FOXN3: variants seen among roughly 807,000 people sequenced by gnomAD.
FOXN3 encodes the protein forkhead box N3, also known as forkhead box protein N3.
A neutral mutation model predicts 38.4 loss-of-function variants in FOXN3; 7 were observed. The observed-to-expected ratio is 0.18, with a 90% CI of 0.10 to 0.34. The LOEUF is 0.34. FOXN3 is among the 10% of genes least tolerant of loss of function. The probability of loss-of-function intolerance (pLI) is 1.00; values close to 1 mark genes in which losing one functional copy is unlikely to be tolerated. For missense variants in FOXN3, 456 were observed against 613.4 expected (o/e 0.74, Z 2.71); for synonymous variants, 230 against 242.2 (o/e 0.95, Z 0.47).
intron 3 of FOXN3, among the ~76,000 whole-genome samples, chr14:89,285,996 AGCT>A (rs1184460314): frequency 6.6e-6 from 1 of 151,766 alleles, no homozygotes; most frequent in Non-Finnish European, 1.5e-5. Context: ...CCCTCAGAGT[AGCT>A]GGGACTACAG....
intron 5 of FOXN3, among the ~76,000 whole-genome samples, chr14:89,179,982 G>A (rs1190639711): frequency 2.0e-5 from 3 of 152,250 alleles, no homozygotes; most frequent in South Asian, 2.1e-4. Flanking sequence ...AGAGGGGCAC[G>A]GAGTTAGGAA....
At chr14:89,246,698 C>A (rs1202455089) in intron 4 of FOXN3, among the ~76,000 whole-genome samples, 1 of 151,986 alleles carries the variant, frequency 6.6e-6, no homozygotes, top group Non-Finnish European at 1.5e-5. Flanking sequence ...GCCACCACGC[C>A]TGGCTAATTT....
At chr14:89,513,751 C>T (rs776021034) in intron 1 of FOXN3, among the ~76,000 whole-genome samples, 5 of 152,052 alleles carry the variant, frequency 3.3e-5, no homozygotes, top group Middle Eastern at 3.4e-3. Context: ...TGCACCACCA[C>T]ATCCGGCTGA....
intron 2 of FOXN3, among the ~76,000 whole-genome samples, chr14:89,393,729 C>A (rs377215044): frequency 2.6e-5 from 4 of 152,270 alleles, no homozygotes; most frequent in Admixed American, 2.0e-4. Context: ...AACCATCTGG[C>A]AATAAATCAC....
chr14:89,284,411 G>C (rs1886553179), intron 3 of FOXN3: 1 of 454,990 alleles, frequency 2.2e-6, no homozygotes, highest in African/African-American at 2.0e-5. Context: ...AGAAGGACTA[G>C]GGCTTGCCCA....
chr14:89,158,582 T>G lies in FOXN3; in HGVS notation c.*3832A>C, dbSNP rs769916091. 2.6e-5 allele frequency: 4 copies of G among 152,478 alleles called. No individual in the cohort carries two copies. The highest frequency in any genetic ancestry group is 7.2e-5 in the African/African-American group (3 of 41,400). The allele number at this position is 152,478 out of a possible 1,614,324, so 9.4% of individuals were successfully genotyped here. On this transcript the variant is annotated 3_prime_UTR_variant, in exon 6 of 6. Transcript: ENST00000557258. ...AAAGAACTCTTGAAAGAATACTGAT[T>G]AGGGAGGGGCAGGGAAGTAGGAGCT... is the stretch of plus-strand genomic sequence containing the variant.
chr14:89,410,008 C>T (rs769468560), intron 2 of FOXN3, among the ~76,000 whole-genome samples: 1 of 152,074 alleles, frequency 6.6e-6, no homozygotes, highest in Non-Finnish European at 1.5e-5. Context: ...TCTGCACGCT[C>T]GACCCAGGCA....
rs138333639 is a variant in FOXN3 at position 89,214,797 on chromosome 14, A to G, written c.746-33991T>C. On this transcript the variant is annotated intron_variant, in intron 4 of 5. Coordinates refer to ENST00000557258, the MANE Select transcript of FOXN3 (RefSeq NM_005197.4). ...TAATGTGAATGCCTTCTATCTAAGC[A>G]GAGTATTTTCTTGAAAGAAAAAGCA... 3.8e-3 allele frequency among the ~76,000 whole-genome samples: 580 copies of G among 152,382 alleles called. 3 individuals carry two copies. The highest frequency in any genetic ancestry group is 0.013 in the African/African-American group (529 of 41,590).
chr14:89,280,271 C>G (rs1049010451), intron 4 of FOXN3, among the ~76,000 whole-genome samples: 1 of 152,158 alleles, frequency 6.6e-6, no homozygotes, highest in African/African-American at 2.4e-5. Flanking sequence ...TCATTTATTC[C>G]TCCTTAACTT....
At chr14:89,404,635 G>T (rs2140090921) in intron 2 of FOXN3, among the ~76,000 whole-genome samples, 1 of 151,624 alleles carries the variant, frequency 6.6e-6, no homozygotes, top group Non-Finnish European at 1.5e-5. Flanking sequence ...TTTATTTCTG[G>T]CCCCTCAGAG....
chr14:89,541,267 T>C (rs747392854), intron 1 of FOXN3, among the ~76,000 whole-genome samples: 1 of 151,606 alleles, frequency 6.6e-6, no homozygotes, highest in Non-Finnish European at 1.5e-5. Flanking sequence ...CTGAGTAAAA[T>C]AAGGCTGAGA....
At chr14:89,292,592 C>G (rs1240087421) in intron 3 of FOXN3, among the ~76,000 whole-genome samples, 1 of 152,170 alleles carries the variant, frequency 6.6e-6, no homozygotes, top group African/African-American at 2.4e-5. Flanking sequence ...GGAGCCACCC[C>G]CCTTTTCTGC....
At chr14:89,199,354 G>C (rs1192547237) in intron 4 of FOXN3, among the ~76,000 whole-genome samples, 2 of 152,196 alleles carry the variant, frequency 1.3e-5, no homozygotes, top group Admixed American at 6.5e-5. Context: ...CACTAAGTTG[G>C]ACACCAAGTT....
chr14:89,302,577 C>A (rs78274178), intron 3 of FOXN3, among the ~76,000 whole-genome samples: 9,335 of 152,218 alleles, frequency 0.061, 417 homozygotes, highest in Non-Finnish European at 0.081. Flanking sequence ...ATGGGCTGTG[C>A]TTCTTGGTGC....
chr14:89,488,522 A>G (rs1310257224), intron 1 of FOXN3, among the ~76,000 whole-genome samples: 1 of 151,896 alleles, frequency 6.6e-6, no homozygotes, highest in African/African-American at 2.4e-5. Flanking sequence ...GTGTGGTGGT[A>G]CACGCCTGTA....
intron 5 of FOXN3, among the ~76,000 whole-genome samples, chr14:89,171,506 A>G (rs899971562): frequency 6.6e-6 from 1 of 152,212 alleles, no homozygotes; most frequent in Non-Finnish European, 1.5e-5. Flanking sequence ...CAAAATTCAT[A>G]AATAAAACAT....
At chr14:89,409,841 T>C (rs1891494840) in intron 2 of FOXN3, among the ~76,000 whole-genome samples, 1 of 152,074 alleles carries the variant, frequency 6.6e-6, no homozygotes. Flanking sequence ...CAGAGGTGGC[T>C]CTCCAAATGC....
At chr14:89,187,016 G>A (rs78717262) in intron 4 of FOXN3, among the ~76,000 whole-genome samples, 4,319 of 152,294 alleles carry the variant, frequency 0.028, 83 homozygotes, top group Non-Finnish European at 0.044. Context: ...CCAGTCTGCC[G>A]GCCTTGAGCT....
chr14:89,466,506 G>A (rs765891667), intron 1 of FOXN3, among the ~76,000 whole-genome samples: 12 of 152,270 alleles, frequency 7.9e-5, no homozygotes, highest in East Asian at 3.9e-4. Flanking sequence ...TGTTGGAAAC[G>A]TGCTTGGAGT....
Sources: gnomAD v4.1 joint callset for allele counts (sites outside exome capture counted in the v4.1 genomes callset) on GRCh38, gnomAD v4.1.1 for gene constraint, MANE v1.5 for transcripts, NCBI Gene and HGNC (gene_info 2026-07-23, HGNC 2026-07-21) for gene names.